Variants in NEURL1B observed in about 807,000 individuals in gnomAD.
NEURL1B encodes the protein neuralized E3 ubiquitin protein ligase 1B.
Under a neutral mutation model 37.4 loss-of-function variants are expected in NEURL1B, and 13 were observed. The observed-to-expected ratio is 0.35, with a 90% confidence interval of 0.23 to 0.55. The LOEUF (loss-of-function observed/expected upper bound fraction) is 0.55. Ranked by LOEUF, NEURL1B falls within the 20% of genes least tolerant of loss-of-function variation. The pLI, the probability that NEURL1B is intolerant of heterozygous loss-of-function variation, is 0.89. For missense variants in NEURL1B, 790 were observed against 879.2 expected, an observed-to-expected ratio of 0.90 and a Z score of 1.28; for synonymous variants, 432 against 426.6, an observed-to-expected ratio of 1.01 and a Z score of -0.16.
At chr5:172,652,986 C>G (rs1044478856) in intron 1 of NEURL1B, among the ~76,000 whole-genome samples, 9 of 152,132 alleles carry the variant, frequency 5.9e-5, no homozygotes, top group Admixed American at 5.9e-4. Flanking sequence ...ACTGTACAAA[C>G]AGCAGTCTTG....
intron 1 of NEURL1B, among the ~76,000 whole-genome samples, chr5:172,668,887 C>T (rs560144366): frequency 1.3e-5 from 2 of 152,112 alleles, no homozygotes; most frequent in Non-Finnish European, 2.9e-5. Context: ...AAGACCACGC[C>T]GGGATTCCCC....
In NEURL1B at chr5:172,686,533, A is replaced by G; in HGVS notation, c.1424-148A>G. ...GGAGTAGAAGAGTAGAGAAAGGTGC[A>G]AAACCTGCAAGGTAAACTCAAATTA... On this transcript the variant is annotated intron_variant, in intron 4 of 4. Transcript: ENST00000369800. The surrounding 1 kb of genome is among the most constrained non-coding windows in gnomAD (Gnocchi z 7.9). The G allele has an allele frequency of 9.6e-7, 1 of 1,039,750 alleles. No individual in the cohort carries two copies. The allele number at this position is 1,039,750 out of a possible 1,614,324, so 64.4% of individuals were successfully genotyped here.
chr5:172,670,015 G>A lies in NEURL1B; in HGVS notation c.262G>A (p.Ala88Thr). The A allele has an allele frequency of 6.7e-7, 1 of 1,489,402 alleles. No homozygotes were observed. 92.3% of individuals were successfully genotyped at this position (1,489,402 alleles called of 1,614,324 possible). The change falls in exon 2 of 5, where the codon GCC (alanine) becomes ACC (threonine). Residue 88 changes from alanine to threonine, a missense_variant. Physicochemically the swap from Ala to Thr is moderately conservative, Grantham distance 58 (BLOSUM62 0). Around this residue, in one of 3 missense-constraint regions of NEURL1B, gnomAD observed 215 missense variants for 309.2 expected, o/e 0.70. Coordinates refer to ENST00000369800, the MANE Select transcript of NEURL1B (RefSeq NM_001142651.3). ...CGAGCAGGTGCGGCTGCGCCTGGTGGCCGTGCGCCCTGGCTGGAGCGGCGC... is the reference window on the plus strand; with the variant it reads ...CGAGCAGGTGCGGCTGCGCCTGGTGACCGTGCGCCCTGGCTGGAGCGGCGC... ...LYEQVRLRLV[A>T]VRPGWSGALR...
intron 2 of NEURL1B, among the ~76,000 whole-genome samples, chr5:172,671,919 T>C (rs1758136958): frequency 6.6e-6 from 1 of 152,240 alleles, no homozygotes; most frequent in Admixed American, 6.5e-5. Flanking sequence ...TAGACCTCTG[T>C]TCTAGAACTG....
rs1450413588 is a variant in NEURL1B at position 172,657,773 on chromosome 5, A to C, written c.32-12012A>C. ...TCTTGTGGAAGGCTGGATATTATCC[A>C]GGCCTGCCCGCAGTCATCCGGAGGC... is the stretch of plus-strand genomic sequence containing the variant. On this transcript the variant is annotated intron_variant, in intron 1 of 4. Coordinates refer to ENST00000369800, the MANE Select transcript of NEURL1B (RefSeq NM_001142651.3). The surrounding 1 kb of genome is among the most constrained non-coding windows in gnomAD (Gnocchi z 4.0). Among the ~76,000 whole-genome samples, 2 of 152,174 alleles carry C rather than the reference A, an allele frequency of 1.3e-5. No individual in the cohort carries two copies. Among genetic ancestry groups the C allele is most frequent in the East Asian group, 3.9e-4 (2 of 5,182 alleles).
chr5:172,682,114 C>T (rs940129491), intron 2 of NEURL1B, among the ~76,000 whole-genome samples: 4 of 152,152 alleles, frequency 2.6e-5, no homozygotes, highest in African/African-American at 9.7e-5. Context: ...GACTCATATT[C>T]CAGCTAGGGA....
In NEURL1B at chr5:172,683,583, G is replaced by A. The variant is rs1758410606; in HGVS notation, c.742G>A (p.Gly248Ser). ...CCACCTGGCGCTGGGCCGCGCCCCG[G>A]GCCCACCGCCAGCCGACGCCGCGGC... is the stretch of plus-strand genomic sequence containing the variant. ...LGHLALGRAP[G>S]PPPADAAAAA... The change falls in exon 3 of 5, where the codon GGC becomes AGC. Residue 248 changes from glycine (G) to serine (S), a missense_variant. Gly to Ser is a moderately conservative substitution (Grantham distance 56, BLOSUM62 0). Around this residue, in one of 3 missense-constraint regions of NEURL1B, gnomAD observed 460 missense variants for 407.4 expected, o/e 1.13. Coordinates refer to ENST00000369800, the MANE Select transcript of NEURL1B (RefSeq NM_001142651.3). The surrounding 1 kb of genome is among the most constrained non-coding windows in gnomAD (Gnocchi z 5.6). 2 of 1,338,954 alleles carry A rather than the reference G, an allele frequency of 1.5e-6. No individual in the cohort carries two copies. The highest frequency in any genetic ancestry group is 1.6e-5 in the African/African-American group (1 of 64,488). 82.9% of individuals were successfully genotyped at this position (1,338,954 alleles called of 1,614,324 possible). A position where few individuals can be genotyped will look rare whatever the true frequency, so the allele number is the denominator to read the frequency against.
intron 2 of NEURL1B, among the ~76,000 whole-genome samples, chr5:172,681,768 T>C (rs1167586539): frequency 6.6e-6 from 1 of 152,252 alleles, no homozygotes; most frequent in Non-Finnish European, 1.5e-5. Context: ...TGCATTCTTA[T>C]GATTTCATTT....
Position 172,672,543 on chromosome 5 carries a change from C to CCA in NEURL1B, c.577+2214_577+2215insAC, listed in dbSNP as rs1057086286. On this transcript the variant is annotated intron_variant, in intron 2 of 4. Coordinates refer to ENST00000369800, the MANE Select transcript of NEURL1B (RefSeq NM_001142651.3). ...CATAAATCTGTGAGGTGAACTCTCC[C>CCA]CCCCCCACTCTATTTCCTTATTCAG... Among the ~76,000 whole-genome samples, 8 of 144,214 alleles carry CCA rather than the reference C, an allele frequency of 5.5e-5. No homozygotes were observed. The East Asian group carries it at 1.5e-3, about 27-fold the overall frequency. The allele number at this position is 144,214 out of a possible 152,430, so 94.6% of individuals were successfully genotyped here. A position where few individuals can be genotyped will look rare whatever the true frequency, so the allele number is the denominator to read the frequency against.
chr5:172,671,544 G>T (rs1447963339), intron 2 of NEURL1B, among the ~76,000 whole-genome samples: 3 of 152,206 alleles, frequency 2.0e-5, no homozygotes, highest in African/African-American at 7.2e-5. Flanking sequence ...CATGTGAGTG[G>T]AATCGCACAG....
intron 1 of NEURL1B, among the ~76,000 whole-genome samples, chr5:172,664,241 C>T (rs924201210): frequency 3.3e-5 from 5 of 152,230 alleles, no homozygotes; most frequent in South Asian, 4.2e-4. Flanking sequence ...CATATCTCAA[C>T]GCTGCCCCCT....
In NEURL1B at chr5:172,683,323, C is replaced by T; in HGVS notation, c.578-96C>T. ...GGGGCTGCTCGAGGCCCGGGTCGGT[C>T]GTGGAGGCCTGCAGGAGGCAGCGGG... is the stretch of plus-strand genomic sequence containing the variant. On this transcript the variant is annotated intron_variant, in intron 2 of 4. Coordinates refer to ENST00000369800, the MANE Select transcript of NEURL1B (RefSeq NM_001142651.3). This position sits in a 1 kb window ranked among gnomAD's most constrained non-coding sequence, Gnocchi z 5.6. 8.1e-7 allele frequency: 1 copy of T among 1,240,562 alleles called. No individual in the cohort carries two copies. Among genetic ancestry groups the T allele is most frequent in the Non-Finnish European group, 1.0e-6 (1 of 987,158 alleles). The allele number at this position is 1,240,562 out of a possible 1,614,324, so 76.8% of individuals were successfully genotyped here.
intron 2 of NEURL1B, among the ~76,000 whole-genome samples, chr5:172,674,003 G>A (rs1416583375): frequency 1.3e-5 from 2 of 151,824 alleles, no homozygotes; most frequent in Non-Finnish European, 2.9e-5. Flanking sequence ...AACCAGCCAC[G>A]GTGGCAGGCA....
At chr5:172,653,428 A>G (rs1179393666) in intron 1 of NEURL1B, among the ~76,000 whole-genome samples, 1 of 152,210 alleles carries the variant, frequency 6.6e-6, no homozygotes, top group Admixed American at 6.5e-5. Context: ...TAGACATTTA[A>G]TTTTTAATGT....
chr5:172,650,543 GT>G (rs1757642158), intron 1 of NEURL1B, among the ~76,000 whole-genome samples: 1 of 152,208 alleles, frequency 6.6e-6, no homozygotes, highest in African/African-American at 2.4e-5. Context: ...GCAGTCCCAA[GT>G]TTGAATCTCA....
intron 1 of NEURL1B, among the ~76,000 whole-genome samples, chr5:172,645,240 G>A (rs939649067): frequency 6.6e-6 from 1 of 152,156 alleles, no homozygotes. Context: ...GAGAGGTCAA[G>A]GACACAGAGT....
In NEURL1B at chr5:172,641,854, C is replaced by A. The variant is rs112274008; in HGVS notation, c.31+417C>A. Among the ~76,000 whole-genome samples, 2,039 of 152,272 alleles carry A rather than the reference C, an allele frequency of 0.013. 24 individuals are homozygous for A. The highest frequency in any genetic ancestry group is 0.021 in the Non-Finnish European group (1,395 of 68,016). The stretch of plus-strand genomic sequence containing the variant: ...CCCGTGGTGCCAAGACTGCAGCTGC[C>A]GAGAGTGAGGGGTGCTCTCAGGGGC... On this transcript the variant is annotated intron_variant, in intron 1 of 4. Transcript: ENST00000369800. The surrounding 1 kb of genome is among the most constrained non-coding windows in gnomAD (Gnocchi z 6.4).
intron 2 of NEURL1B, among the ~76,000 whole-genome samples, chr5:172,678,420 TCTC>T (rs1263903585): frequency 6.6e-6 from 1 of 152,052 alleles, no homozygotes; most frequent in Non-Finnish European, 1.5e-5. Flanking sequence ...CTATCCAGCC[TCTC>T]CTCCTACATC....
In NEURL1B at chr5:172,670,340, G is replaced by C. The variant is rs1293863458; in HGVS notation, c.577+10G>C. ...GAGGTGCAGCTTCTGGGTAGGTCGC[G>C]GGCGCGGCGCCCCCTGGGGACCTGG... is the stretch of plus-strand genomic sequence containing the variant. On this transcript the variant is annotated intron_variant, in intron 2 of 4. Coordinates refer to ENST00000369800, the MANE Select transcript of NEURL1B (RefSeq NM_001142651.3). 3 of 1,348,530 alleles carry C rather than the reference G, an allele frequency of 2.2e-6. No individual in the cohort carries two copies. The highest frequency in any genetic ancestry group is 2.8e-6 in the Non-Finnish European group (3 of 1,053,766). 83.5% of individuals were successfully genotyped at this position (1,348,530 alleles called of 1,614,324 possible).
Sources: gnomAD v4.1 joint callset for allele counts (sites outside exome capture counted in the v4.1 genomes callset) on GRCh38, gnomAD v4.1.1 for gene constraint, gnomAD v4.1.1 regional missense constraint, Gnocchi (gnomAD v3.1) non-coding constraint, MANE v1.5 for transcripts, NCBI Gene and HGNC (gene_info 2026-07-23, HGNC 2026-07-21) for gene names.